The following GIGYF2 variants were observed in gnomAD, a reference collection of about 807,000 sequenced individuals.
The protein encoded by GIGYF2 is GRB10 interacting GYF protein 2, also known as GRB10-interacting GYF protein 2.
A neutral mutation model predicts 208.1 loss-of-function variants in GIGYF2; 25 were observed. The observed-to-expected ratio is 0.12, with a 90% confidence interval of 0.09 to 0.17. The LOEUF (loss-of-function observed/expected upper bound fraction) is 0.17, where lower values mean the gene tolerates loss of function less well. GIGYF2 is among the 10% of genes least tolerant of loss of function. The pLI is 1.00. For missense variants in GIGYF2, 1,302 were observed against 1,579.4 expected (o/e 0.82, Z 2.98); for synonymous variants, 534 against 543.8 (o/e 0.98, Z 0.25).
chr2:232,856,020 G>A (rs1690555973), intron 28 of GIGYF2, among the ~76,000 whole-genome samples: 2 of 151,614 alleles, frequency 1.3e-5, no homozygotes, highest in Admixed American at 6.6e-5. Context: ...AAGCTCCTTC[G>A]ACCAGGTTCA....
At chr2:232,776,655 G>T in intron 8 of GIGYF2, 1 of 598,952 alleles carries the variant, frequency 1.7e-6, no homozygotes, top group South Asian at 2.1e-5. Flanking sequence ...CCTGCAGGGG[G>T]GCCAATTAGC....
At chr2:232,809,582 C>G (rs1403849661) in intron 15 of GIGYF2, 138 bp from the exon 16 acceptor site, 1 of 662,824 alleles carries the variant, frequency 1.5e-6, no homozygotes, top group Non-Finnish European at 2.8e-6. Flanking sequence ...AGTTTTTATT[C>G]AAGTGTTTGG....
intron 14 of GIGYF2, 27 bp downstream of exon 14, chr2:232,796,248 A>G (rs754561391): frequency 7.0e-7 from 1 of 1,432,588 alleles, no homozygotes. Flanking sequence ...TCCTTTAAAT[A>G]CTGAAGTGTG....
chr2:232,803,551 C>T (rs565884755), intron 14 of GIGYF2, among the ~76,000 whole-genome samples: 19 of 151,868 alleles, frequency 1.3e-4, no homozygotes, highest in African/African-American at 4.1e-4. Context: ...AATGAGTGTC[C>T]GTTTGCTTCG....
At chr2:232,751,830 A>G (rs1698345183) in intron 5 of GIGYF2, among the ~76,000 whole-genome samples, 1 of 152,242 alleles carries the variant, frequency 6.6e-6, no homozygotes, top group Admixed American at 6.5e-5. Context: ...AAAATCAAAC[A>G]TTATTTTGCA....
intron 28 of GIGYF2, 124 bp from the exon 29 acceptor site, chr2:232,856,669 G>T: frequency 1.3e-6 from 1 of 771,622 alleles, no homozygotes; most frequent in Admixed American, 1.8e-5. Context: ...TCCAGCCTGG[G>T]TGACAGAGTG....
Position 232,739,826 on chromosome 2 carries a change from G to A in GIGYF2, c.41+4588G>A, listed in dbSNP as rs186819256. Among the ~76,000 whole-genome samples the A allele has an allele frequency of 5.7e-3, 872 of 151,762 alleles. 3 individuals carry two copies. The highest frequency in any genetic ancestry group is 0.02 in the African/African-American group (831 of 41,376). On this transcript the variant is annotated intron_variant, in intron 3 of 28. Coordinates refer to ENST00000373563, the MANE Select transcript of GIGYF2 (RefSeq NM_001103146.3). ...TAAAAAACAAATATTTAGGCCGGGC[G>A]CGGTGGCACATGCCTGTAATCCCAG...
At chr2:232,718,060 C>A (rs1200262499) in intron 2 of GIGYF2, among the ~76,000 whole-genome samples, 1 of 152,010 alleles carries the variant, frequency 6.6e-6, no homozygotes, top group Non-Finnish European at 1.5e-5. Flanking sequence ...TTCGCAGTAT[C>A]ATTGTGAATA....
intron 3 of GIGYF2, among the ~76,000 whole-genome samples, chr2:232,739,065 G>T (rs1225536522): frequency 6.6e-6 from 1 of 151,974 alleles, no homozygotes; most frequent in Admixed American, 6.6e-5. Flanking sequence ...AAAAAGAAAA[G>T]GGTTAGGTAT....
intron 2 of GIGYF2, among the ~76,000 whole-genome samples, chr2:232,722,965 GGTTT>G (rs540756689): frequency 2.2e-3 from 328 of 151,852 alleles, no homozygotes; most frequent in Non-Finnish European, 4.0e-3. Context: ...TTTTTTTGTT[GGTTT>G]GTTTATTTTA....
chr2:232,751,056 G>T (rs1030755135), intron 5 of GIGYF2, among the ~76,000 whole-genome samples: 5 of 152,060 alleles, frequency 3.3e-5, no homozygotes, highest in Non-Finnish European at 7.4e-5. Context: ...TGAACTCCTG[G>T]CCTCAAGCGA....
chr2:232,836,312 A>ACT (rs1559160612), intron 22 of GIGYF2, among the ~76,000 whole-genome samples: 2 of 23,374 alleles, frequency 8.6e-5, no homozygotes, highest in African/African-American at 2.9e-4. Flanking sequence ...ATATATATAT[A>ACT]TATATATATA....
chr2:232,747,848 C>G (rs1364431570), intron 4 of GIGYF2, 104 bp downstream of exon 4: 36 of 1,025,024 alleles, frequency 3.5e-5, no homozygotes, highest in Non-Finnish European at 5.3e-5. Context: ...ATGTATTGAC[C>G]CATGCCTTTC....
At chr2:232,777,613 T>TGCC (rs1699566629) in intron 8 of GIGYF2, among the ~76,000 whole-genome samples, 1 of 131,712 alleles carries the variant, frequency 7.6e-6, no homozygotes, top group African/African-American at 2.9e-5. Context: ...ATCCTCTCCG[T>TGCC]CCCCCCCCCG....
intron 28 of GIGYF2, among the ~76,000 whole-genome samples, chr2:232,854,838 A>G (rs1690491173): frequency 6.6e-6 from 1 of 152,184 alleles, no homozygotes; most frequent in Admixed American, 6.5e-5. Context: ...AACCCAGCTA[A>G]TATTAACAGA....
At chr2:232,738,636 G>A (rs1002867252) in intron 3 of GIGYF2, among the ~76,000 whole-genome samples, 1 of 152,154 alleles carries the variant, frequency 6.6e-6, no homozygotes, top group African/African-American at 2.4e-5. Context: ...TATCTCCAGT[G>A]CCTGGCACAT....
chr2:232,761,782 A>C (rs1559410545), intron 8 of GIGYF2, among the ~76,000 whole-genome samples: 1 of 152,058 alleles, frequency 6.6e-6, no homozygotes. Context: ...TCAGAGAACA[A>C]AGGCCAAAAC....
chr2:232,788,718 C>T (rs1220723737), intron 9 of GIGYF2: 1 of 280,698 alleles, frequency 3.6e-6, no homozygotes, highest in Non-Finnish European at 7.7e-6. Context: ...ATCTTCTTCT[C>T]ATCTTTTCTG....
At chr2:232,708,918 C>T (rs1413011328) in intron 2 of GIGYF2, among the ~76,000 whole-genome samples, 2 of 149,568 alleles carry the variant, frequency 1.3e-5, no homozygotes, top group African/African-American at 2.5e-5. Context: ...GGTCAAGAGT[C>T]AGGACCAGCC....
Sources: gnomAD v4.1 joint callset for allele counts (sites outside exome capture counted in the v4.1 genomes callset) on GRCh38, gnomAD v4.1.1 for gene constraint, MANE v1.5 for transcripts, NCBI Gene and HGNC (gene_info 2026-07-23, HGNC 2026-07-21) for gene names.